Variants in CDK9 observed in about 807,000 individuals in gnomAD.
CDK9 encodes cyclin-dependent kinase 9.
A neutral mutation model predicts 39.0 loss-of-function variants in CDK9; 34 were observed. That is an observed-to-expected ratio of 0.87 (90% CI 0.66 to 1.16). CDK9 has a LOEUF of 1.16. Ranked by LOEUF, CDK9 falls within the 50% of genes most tolerant of loss-of-function variation. CDK9 has a pLI of 0.00. For missense variants in CDK9, 369 were observed against 503.2 expected, an observed-to-expected ratio of 0.73 and a Z score of 2.55; for synonymous variants, 233 against 196.2, an observed-to-expected ratio of 1.19 and a Z score of -1.57.
chr9:127,787,157 C>T (rs1332199847), intron 2 of CDK9, among the ~76,000 whole-genome samples: 1 of 152,160 alleles, frequency 6.6e-6, no homozygotes, highest in African/African-American at 2.4e-5. Flanking sequence ...TTCTCCACCC[C>T]ATCTTAGCTC....
Position 127,788,315 on chromosome 9 carries a change from G to A in CDK9, c.534G>A (p.Lys178=), listed in dbSNP as rs765192342. The A allele has an allele frequency of 1.9e-6, 3 of 1,612,912 alleles. No homozygotes were observed. Among genetic ancestry groups the A allele is most frequent in the Non-Finnish European group, 2.5e-6 (3 of 1,179,952 alleles). The change falls in exon 5 of 7, where the codon AAG becomes AAA. Residue 178 remains lysine, a synonymous_variant. Coordinates refer to ENST00000373264, the MANE Select transcript of CDK9 (RefSeq NM_001261.4). ...FGLARAFSLA[K]NSQPNRYTNR... The stretch of plus-strand genomic sequence containing the variant: ...TGGCCCGGGCCTTCAGCCTGGCCAA[G>A]AACAGCCAGCCCAACCGCTACACCA...
Position 127,789,520 on chromosome 9 carries a change from A to G in CDK9, c.1096A>G (p.Thr366Ala). The G allele has an allele frequency of 8.7e-6, 14 of 1,613,838 alleles. No individual in the cohort carries two copies. The highest frequency in any genetic ancestry group is 1.1e-5 in the Non-Finnish European group (13 of 1,179,896). Residue 366 changes from threonine to alanine, a missense_variant, in exon 7 of 7, where the codon ACG becomes GCG. Thr to Ala is a moderately conservative substitution (Grantham distance 58, BLOSUM62 0). Transcript: ENST00000373264. The surrounding 1 kb of genome is among the most constrained non-coding windows in gnomAD (Gnocchi z 5.2). ...QSRNPATTNQTEFERVF is the reference protein window; with the variant it reads ...QSRNPATTNQAEFERVF ...TCGCAATCCCGCCACCACCAACCAG[A>G]CGGAGTTTGAGCGCGTCTTCTGAGG...
At chr9:127,788,810 C>T in intron 6 of CDK9, 118 bp downstream of exon 6, 1 of 1,090,842 alleles carries the variant, frequency 9.2e-7, no homozygotes, top group Non-Finnish European at 1.3e-6. Flanking sequence ...GGTGACAGGG[C>T]CTGTCTTGGG....
At chr9:127,787,493 C>T in intron 2 of CDK9, 25 bp from the exon 3 acceptor site, 4 of 1,564,240 alleles carry the variant, frequency 2.6e-6, no homozygotes, top group Admixed American at 1.7e-5. Flanking sequence ...TCACTCTTGA[C>T]CACTTTCCCC....
In CDK9 at chr9:127,789,255, C is replaced by T. The variant is rs1403605828; in HGVS notation, c.831C>T (p.Asp277=). 6.8e-6 allele frequency: 11 copies of T among 1,613,132 alleles called. No individual in the cohort carries two copies. Among genetic ancestry groups the T allele is most frequent in the Non-Finnish European group, 9.3e-6 (11 of 1,179,394 alleles). Residue 277 remains aspartate (D), a synonymous_variant, in exon 7 of 7, where the codon GAC becomes GAT. Coordinates refer to ENST00000373264, the MANE Select transcript of CDK9 (RefSeq NM_001261.4). The surrounding 1 kb of genome is among the most constrained non-coding windows in gnomAD (Gnocchi z 5.2). ...AGGGCCAGAAGCGGAAGGTGAAGGA[C>T]AGGCTGAAGGCCTATGTGCGTGACC... ...LVKGQKRKVK[D]RLKAYVRDPY... is the part of the protein sequence containing the mutation.
chr9:127,787,884 G>A, intron 3 of CDK9, 63 bp from the exon 4 acceptor site: 1 of 1,563,842 alleles, frequency 6.4e-7, no homozygotes, highest in Non-Finnish European at 8.8e-7. Context: ...AAAGAAGCTG[G>A]TTGTGGGAAA....
rs11554104 is a variant in CDK9 at position 127,788,654 on chromosome 9, G to A, written c.715G>A (p.Ala239Thr). The stretch of plus-strand genomic sequence containing the variant: ...GGGCAACACGGAGCAGCACCAACTC[G>A]CCCTCATCAGTCAGCTCTGCGGCTC... ...MQGNTEQHQL[A>T]LISQLCGSIT... is the part of the protein sequence containing the mutation. The change falls in exon 6 of 7, where the codon GCC becomes ACC. Residue 239 changes from alanine (A) to threonine (T), a missense_variant. Coordinates refer to ENST00000373264, the MANE Select transcript of CDK9 (RefSeq NM_001261.4). The A allele has an allele frequency of 2.4e-5, 39 of 1,611,430 alleles. No homozygotes were observed. The highest frequency in any genetic ancestry group is 3.1e-5 in the Non-Finnish European group (37 of 1,179,054).
rs996858745 is a variant in CDK9, at chr9:127,788,525, G to T, written c.605-19G>T. ...GCCCTCGGGCTCAAGGGGCCCTCCT[G>T]GTGCGCTCTTCTTCCCAGGGGAGCG... is the stretch of plus-strand genomic sequence containing the variant. On this transcript the variant is annotated intron_variant, in intron 5 of 6. Coordinates refer to ENST00000373264, the MANE Select transcript of CDK9 (RefSeq NM_001261.4). 3 of 1,549,436 alleles carry T rather than the reference G, an allele frequency of 1.9e-6. No individual in the cohort carries two copies. In the African/African-American group the frequency reaches 4.1e-5, roughly 21 times the overall value.
Position 127,790,264 on chromosome 9 carries a change from C to G in CDK9, c.*721C>G, listed in dbSNP as rs935496645. On this transcript the variant is annotated 3_prime_UTR_variant, in exon 7 of 7. Transcript: ENST00000373264. Reference sequence around the variant, plus strand: ...TTCCATAATTGGAAAGGACCTTTGTCTGTTTTTCCTCTTGGGTGCCTTCCA... The same window carrying G: ...TTCCATAATTGGAAAGGACCTTTGTGTGTTTTTCCTCTTGGGTGCCTTCCA... 1 of 152,172 alleles carries G rather than the reference C, an allele frequency of 6.6e-6. No individual in the cohort carries two copies. The highest frequency in any genetic ancestry group is 1.5e-5 in the Non-Finnish European group (1 of 68,062). The allele number at this position is 152,172 out of a possible 1,614,324, so 9.4% of individuals were successfully genotyped here.
At chr9:127,787,470 C>A (rs112278465) in intron 2 of CDK9, 48 bp from the exon 3 acceptor site, 1 of 1,316,886 alleles carries the variant, frequency 7.6e-7, no homozygotes, top group Non-Finnish European at 1.1e-6. Flanking sequence ...CAGGGCTGGG[C>A]TCTGTACTGC....
At position 127,788,400 on chromosome 9, in the gene CDK9, G is replaced by A. The variant is rs1396607191; in HGVS notation, c.604+15G>A. 1 of 1,608,380 alleles carries A rather than the reference G, an allele frequency of 6.2e-7. No individual in the cohort carries two copies. The highest frequency in any genetic ancestry group is 2.2e-5 in the East Asian group (1 of 44,774). ...GCTGTTGCTCGGTGAGGACTCCCGAGCGGGCCAAGGGGGGTGAGGGCCAGG... is the reference window on the plus strand; with the variant it reads ...GCTGTTGCTCGGTGAGGACTCCCGAACGGGCCAAGGGGGGTGAGGGCCAGG... On this transcript the variant is annotated intron_variant, in intron 5 of 6. Transcript: ENST00000373264.
Position 127,788,727 on chromosome 9 carries a change from C to G in CDK9, c.753+35C>G, listed in dbSNP as rs779676185. On this transcript the variant is annotated intron_variant, in intron 6 of 6. Transcript: ENST00000373264. ...CCCGGTCCCCACGGGGTGCAGAGAT[C>G]GAGGTCCCCCGGCAGAGGAGGAGTG... is the stretch of plus-strand genomic sequence containing the variant. 1.9e-6 allele frequency: 3 copies of G among 1,540,644 alleles called. No individual in the cohort carries two copies. In the Admixed American group the frequency reaches 6.0e-5, roughly 31 times the overall value.
chr9:127,788,736 C>G lies in CDK9; in HGVS notation c.753+44C>G, dbSNP rs374586573. ...CACGGGGTGCAGAGATCGAGGTCCCCCGGCAGAGGAGGAGTGGGGAGTAGA... is the reference window on the plus strand; with the variant it reads ...CACGGGGTGCAGAGATCGAGGTCCCGCGGCAGAGGAGGAGTGGGGAGTAGA... On this transcript the variant is annotated intron_variant, in intron 6 of 6. Coordinates refer to ENST00000373264, the MANE Select transcript of CDK9 (RefSeq NM_001261.4). The G allele has an allele frequency of 3.1e-5, 47 of 1,526,672 alleles. No individual in the cohort carries two copies. The African/African-American group carries it at 5.4e-4, about 17-fold the overall frequency. The allele number at this position is 1,526,672 out of a possible 1,614,324, so 94.6% of individuals were successfully genotyped here. A position where few individuals can be genotyped will look rare whatever the true frequency, so the allele number is the denominator to read the frequency against.
Position 127,787,597 on chromosome 9 carries a change from G to C in CDK9, c.254G>C (p.Cys85Ser). The C allele has an allele frequency of 6.2e-7, 1 of 1,610,968 alleles. No individual in the cohort carries two copies. The highest frequency in any genetic ancestry group is 8.5e-7 in the Non-Finnish European group (1 of 1,177,154). Residue 85 changes from cysteine to serine, a missense_variant, in exon 3 of 7, where the codon TGT (cysteine) becomes TCT (serine). Physicochemically the swap from Cys to Ser is moderately radical, Grantham distance 112. Coordinates refer to ENST00000373264, the MANE Select transcript of CDK9 (RefSeq NM_001261.4). ...AATGTGGTCAACTTGATTGAGATTT[G>C]TCGAACCAAAGGTAAGTTATTTGGT... is the stretch of plus-strand genomic sequence containing the variant. ...HENVVNLIEI[C>S]RTKASPYNRC...
Position 127,788,356 on chromosome 9 carries a change from T to A in CDK9, c.575T>A (p.Leu192His). The A allele has an allele frequency of 6.2e-7, 1 of 1,612,836 alleles. No homozygotes were observed. The highest frequency in any genetic ancestry group is 8.5e-7 in the Non-Finnish European group (1 of 1,179,944). Reference protein sequence around the residue: ...PNRYTNRVVTLWYRPPELLLG... With the variant: ...PNRYTNRVVTHWYRPPELLLG... ...CGCTACACCAACCGTGTGGTGACAC[T>A]CTGGTACCGGCCCCCGGAGCTGTTG... Residue 192 changes from leucine to histidine, a missense_variant, in exon 5 of 7, where the codon CTC (leucine) becomes CAC (histidine). Transcript: ENST00000373264.
rs1389021496 is a variant in CDK9, at chr9:127,789,691, C to T, written c.*148C>T. The T allele has an allele frequency of 2.8e-5, 29 of 1,030,044 alleles. No individual in the cohort carries two copies. Among genetic ancestry groups the T allele is most frequent in the Non-Finnish European group, 3.9e-5 (28 of 724,086 alleles). The allele number at this position is 1,030,044 out of a possible 1,614,324, so 63.8% of individuals were successfully genotyped here. A position where few individuals can be genotyped will look rare whatever the true frequency, so the allele number is the denominator to read the frequency against. On this transcript the variant is annotated 3_prime_UTR_variant, in exon 7 of 7. Transcript: ENST00000373264. The surrounding 1 kb of genome is among the most constrained non-coding windows in gnomAD (Gnocchi z 5.2). The stretch of plus-strand genomic sequence containing the variant: ...CTCTGGGAGCAGCCCGCTGAGTGGA[C>T]TGGAGTGGAGCATTGGCTGAGAGAC...
Position 127,786,119 on chromosome 9 carries a change from G to C in CDK9, c.-30G>C, listed in dbSNP as rs763279861. 17 of 1,549,702 alleles carry C rather than the reference G, an allele frequency of 1.1e-5. No individual in the cohort carries two copies. Among genetic ancestry groups the C allele is most frequent in the African/African-American group, 2.8e-5 (2 of 70,816 alleles). ...AGCAGGAGCGGCGGCAGCAGCGACT[G>C]GGGGCGGCGGCGGCGCGTTGGAGGC... is the stretch of plus-strand genomic sequence containing the variant. On this transcript the variant is annotated 5_prime_UTR_variant, in exon 1 of 7. Transcript: ENST00000373264.
At position 127,787,991 on chromosome 9, in the gene CDK9, G is replaced by A. The variant is rs745709237; in HGVS notation, c.310G>A (p.Asp104Asn). ...RCKGSIYLVF[D>N]FCEHDLAGLL... ...CAAGGGTAGTATATACCTGGTGTTC[G>A]ACTTCTGCGAGCATGACCTTGCTGG... The change falls in exon 4 of 7, where the codon GAC becomes AAC. Residue 104 changes from aspartate to asparagine, a missense_variant. Physicochemically the swap from Asp to Asn is conservative, Grantham distance 23 (BLOSUM62 1). Coordinates refer to ENST00000373264, the MANE Select transcript of CDK9 (RefSeq NM_001261.4). 3.0e-5 allele frequency: 48 copies of A among 1,614,054 alleles called. No individual in the cohort carries two copies. The highest frequency in any genetic ancestry group is 6.7e-5 in the African/African-American group (5 of 74,914).
intron 6 of CDK9, 131 bp downstream of exon 6, chr9:127,788,823 G>T: frequency 1.0e-6 from 1 of 969,834 alleles, no homozygotes; most frequent in Non-Finnish European, 1.5e-6. Flanking sequence ...GTCTTGGGGT[G>T]GGGAGTGTGT....
Sources: gnomAD v4.1 joint callset for allele counts (sites outside exome capture counted in the v4.1 genomes callset) on GRCh38, gnomAD v4.1.1 for gene constraint, Gnocchi (gnomAD v3.1) non-coding constraint, MANE v1.5 for transcripts, NCBI Gene and HGNC (gene_info 2026-07-23, HGNC 2026-07-21) for gene names.